MTMR2: variants seen among roughly 807,000 people sequenced by gnomAD.
The protein encoded by MTMR2 is phosphatidylinositol-3,5-bisphosphate 3-phosphatase MTMR2.
In MTMR2, 55 loss-of-function variants were observed where a neutral mutation model predicts 86.9. That is an observed-to-expected ratio of 0.63 (90% CI 0.51 to 0.79). The LOEUF (loss-of-function observed/expected upper bound fraction) is 0.79, where lower values mean the gene tolerates loss of function less well. Ranked by LOEUF, MTMR2 falls within the 30% of genes least tolerant of loss-of-function variation. MTMR2 has a pLI of 0.00. For missense variants in MTMR2, 659 were observed against 772.3 expected (o/e 0.85, Z 1.74); for synonymous variants, 241 against 266.8 (o/e 0.90, Z 0.94).
chr11:95,837,023 A>C (rs1863315395), intron 13 of MTMR2, among the ~76,000 whole-genome samples: 1 of 152,088 alleles, frequency 6.6e-6, no homozygotes, highest in African/African-American at 2.4e-5. Flanking sequence ...TTTTTTAAAA[A>C]TAATCAATGA....
chr11:95,879,256 G>C (rs915755195), intron 2 of MTMR2, among the ~76,000 whole-genome samples: 11 of 152,120 alleles, frequency 7.2e-5, no homozygotes, highest in Non-Finnish European at 1.6e-4. Context: ...GGGAAAGCAA[G>C]GGATGAAGAA....
intron 2 of MTMR2, among the ~76,000 whole-genome samples, chr11:95,874,577 G>A (rs1488866009): frequency 1.3e-5 from 2 of 152,148 alleles, no homozygotes; most frequent in Non-Finnish European, 2.9e-5. Context: ...TTTAATTGGA[G>A]CATTTAGCCT....
chr11:95,857,439 TG>T, intron 7 of MTMR2, 112 bp downstream of exon 7: 1 of 731,966 alleles, frequency 1.4e-6, no homozygotes, highest in South Asian at 1.5e-5. Context: ...TCTCTTAATG[TG>T]GTGAATTACT....
chr11:95,855,043 C>T (rs974893704), intron 7 of MTMR2, among the ~76,000 whole-genome samples: 6 of 151,994 alleles, frequency 3.9e-5, no homozygotes, highest in African/African-American at 1.2e-4. Context: ...CTCCTGGGCT[C>T]GAGCAATCCT....
At chr11:95,891,177 G>T (rs1312640597) in intron 1 of MTMR2, among the ~76,000 whole-genome samples, 7 of 152,090 alleles carry the variant, frequency 4.6e-5, no homozygotes, top group African/African-American at 1.4e-4. Flanking sequence ...CTGGTTGGGT[G>T]TAGTGGCTCA....
In MTMR2 at chr11:95,835,403, G is replaced by A. The variant is rs765751970; in HGVS notation, c.1819C>T (p.Leu607Phe). ...YKELLAKRAELQKKVEELQRE... is the reference protein window; with the variant it reads ...YKELLAKRAEFQKKVEELQRE... ...TGTAGTTCCTCTACTTTTTTCTGAA[G>A]CTCTGCTCGTTTAGCAAGAAGTTCT... The change falls in exon 15 of 15, where the codon CTT becomes TTT. Residue 607 changes from leucine (L) to phenylalanine (F), a missense_variant. Physicochemically the swap from Leu to Phe is conservative, Grantham distance 22. Around this residue, in one of 3 missense-constraint regions of MTMR2, gnomAD observed 193 missense variants for 191.6 expected, o/e 1.01. Coordinates refer to ENST00000346299, the MANE Select transcript of MTMR2 (RefSeq NM_016156.6). 6.2e-7 allele frequency: 1 copy of A among 1,613,146 alleles called. No individual in the cohort carries two copies. Among genetic ancestry groups the A allele is most frequent in the South Asian group, 1.1e-5 (1 of 91,064 alleles).
chr11:95,844,624 G>A (rs1019760208), intron 11 of MTMR2, among the ~76,000 whole-genome samples: 1 of 152,106 alleles, frequency 6.6e-6, no homozygotes, highest in African/African-American at 2.4e-5. Flanking sequence ...ATTACAGACA[G>A]CATCTGGGTA....
chr11:95,852,522 T>C (rs149399819), intron 7 of MTMR2, among the ~76,000 whole-genome samples: 22 of 152,286 alleles, frequency 1.4e-4, no homozygotes, highest in African/African-American at 5.3e-4. Context: ...GTTCTTTCAT[T>C]ACTACCTTAC....
At chr11:95,849,606 C>T in intron 9 of MTMR2, 68 bp downstream of exon 9, 1 of 1,411,806 alleles carries the variant, frequency 7.1e-7, no homozygotes, top group Non-Finnish European at 1.0e-6. Context: ...CTTTTTACTA[C>T]ACTGTGGCCC....
At chr11:95,897,872 C>T (rs896188066) in intron 1 of MTMR2, among the ~76,000 whole-genome samples, 1 of 152,072 alleles carries the variant, frequency 6.6e-6, no homozygotes, top group Non-Finnish European at 1.5e-5. Context: ...AACAAGGTTA[C>T]GTTTACAAGT....
At chr11:95,850,517 G>T in intron 8 of MTMR2, 83 bp downstream of exon 8, 1 of 1,352,034 alleles carries the variant, frequency 7.4e-7, no homozygotes, top group Non-Finnish European at 1.1e-6. Context: ...TTTATATCCT[G>T]AATCCATTCT....
chr11:95,853,843 T>C (rs941272007), intron 7 of MTMR2, among the ~76,000 whole-genome samples: 9 of 152,112 alleles, frequency 5.9e-5, no homozygotes, highest in Non-Finnish European at 1.2e-4. Flanking sequence ...TGAAGCAAAA[T>C]TAGTTTCTGA....
rs1565342506 is a variant in MTMR2 at position 95,836,150 on chromosome 11, G to A, written c.1768C>T (p.Gln590Ter). Reference sequence around the variant, plus strand: ...ATTGTATATTGTAAGGCACATACCTGTGGTTTCATCCGTGGATTCCACCTT... The same window carrying A: ...ATTGTATATTGTAAGGCACATACCTATGGTTTCATCCGTGGATTCCACCTT... Reference protein sequence around the residue: ...YIRWNPRMKPQEPIHNRYKEL... With the variant: ...YIRWNPRMKP Residue 590 changes from glutamine (Q) to a stop codon, truncating the protein, a stop_gained and splice_region_variant, in exon 14 of 15, where the codon CAG becomes TAG. Transcript: ENST00000346299. LOFTEE classifies it high-confidence loss of function. 1 of 1,612,278 alleles carries A rather than the reference G, an allele frequency of 6.2e-7. No homozygotes were observed. Among genetic ancestry groups the A allele is most frequent in the Non-Finnish European group, 8.5e-7 (1 of 1,178,602 alleles).
At chr11:95,881,212 T>C (rs1449823152) in intron 2 of MTMR2, among the ~76,000 whole-genome samples, 1 of 152,064 alleles carries the variant, frequency 6.6e-6, no homozygotes. Flanking sequence ...ACATCTGTCA[T>C]ATACAGAGTT....
chr11:95,880,224 C>A (rs1267540474), intron 2 of MTMR2, among the ~76,000 whole-genome samples: 2 of 151,978 alleles, frequency 1.3e-5, no homozygotes, highest in African/African-American at 4.8e-5. Context: ...CTGTAAGATA[C>A]TCAATACATT....
chr11:95,902,910 C>T (rs1483533969), intron 1 of MTMR2, among the ~76,000 whole-genome samples: 10 of 152,182 alleles, frequency 6.6e-5, no homozygotes, highest in Non-Finnish European at 1.3e-4. Context: ...GCATGTACCA[C>T]CCTCTTTGTT....
At chr11:95,836,624 C>G (rs1265053812) in intron 13 of MTMR2, among the ~76,000 whole-genome samples, 1 of 151,854 alleles carries the variant, frequency 6.6e-6, no homozygotes, top group Non-Finnish European at 1.5e-5. Context: ...CATTAACAGC[C>G]AAGAAGTGGG....
At chr11:95,916,948 G>T (rs1866734062) in intron 1 of MTMR2, among the ~76,000 whole-genome samples, 1 of 151,784 alleles carries the variant, frequency 6.6e-6, no homozygotes, top group Admixed American at 6.6e-5. Context: ...AAACATATTA[G>T]GAGGGACAGG....
chr11:95,880,951 A>G (rs1865300500), intron 2 of MTMR2, among the ~76,000 whole-genome samples: 1 of 152,102 alleles, frequency 6.6e-6, no homozygotes, highest in African/African-American at 2.4e-5. Flanking sequence ...CAATCAAAAT[A>G]ATAATCTTTT....
Sources: gnomAD v4.1 joint callset for allele counts (sites outside exome capture counted in the v4.1 genomes callset) on GRCh38, gnomAD v4.1.1 for gene constraint, gnomAD v4.1.1 regional missense constraint, MANE v1.5 for transcripts, NCBI Gene and HGNC (gene_info 2026-07-23, HGNC 2026-07-21) for gene names.